TRMU: variants seen among roughly 807,000 people sequenced by gnomAD.
The protein encoded by TRMU is mitochondrial tRNA-specific 2-thiouridylase 1.
In TRMU, 49 loss-of-function variants were observed where a neutral mutation model predicts 46.9. The ratio of observed to expected loss-of-function variants is 1.05; its 90% CI spans 0.83 to 1.33. The LOEUF (loss-of-function observed/expected upper bound fraction) is 1.33, where lower values mean the gene tolerates loss of function less well. Among genes scored for constraint, TRMU ranks in the 40% most tolerant of loss-of-function variants. The pLI, the probability that TRMU is intolerant of heterozygous loss-of-function variation, is 0.00. For synonymous variants in TRMU, 241 were observed against 200.9 expected, an observed-to-expected ratio of 1.20 and a Z score of -1.69; for missense variants, 572 against 532.4, an observed-to-expected ratio of 1.07 and a Z score of -0.73.
At chr22:46,352,507 G>A in intron 7 of TRMU, 177 bp downstream of exon 7, 1 of 698,788 alleles carries the variant, frequency 1.4e-6, no homozygotes, top group Non-Finnish European at 2.5e-6. Context: ...CCTTGATGGT[G>A]GCTGGGTGCA....
chr22:46,336,629 T>C lies in TRMU; in HGVS notation c.82+783T>C, dbSNP rs1159479253. ...GGGTGACTGGAGGGATTAGATGACA[T>C]AGTACATACTGATGAGTACGTGCTC... On this transcript the variant is annotated intron_variant, in intron 1 of 10. Transcript: ENST00000645190. This position sits in a 1 kb window ranked among gnomAD's most constrained non-coding sequence, Gnocchi z 4.1. 6.6e-6 allele frequency: 1 copy of C among 152,286 alleles called. No homozygotes were observed. Among genetic ancestry groups the C allele is most frequent in the Non-Finnish European group, 1.5e-5 (1 of 68,100 alleles). The allele number at this position is 152,286 out of a possible 1,614,324, so 9.4% of individuals were successfully genotyped here. A position where few individuals can be genotyped will look rare whatever the true frequency, so the allele number is the denominator to read the frequency against.
chr22:46,355,669 C>T, intron 9 of TRMU, 81 bp downstream of exon 9: 1 of 1,606,660 alleles, frequency 6.2e-7, no homozygotes, highest in South Asian at 1.1e-5. Flanking sequence ...GGATGGGAGA[C>T]CCTGGGGTAG....
Position 46,336,209 on chromosome 22 carries a change from C to T in TRMU, c.82+363C>T, listed in dbSNP as rs958857805. 14 of 1,079,700 alleles carry T rather than the reference C, an allele frequency of 1.3e-5. No individual in the cohort carries two copies. The African/African-American group carries it at 1.7e-4, about 13-fold the overall frequency. 66.9% of individuals were successfully genotyped at this position (1,079,700 alleles called of 1,614,324 possible). On this transcript the variant is annotated intron_variant, in intron 1 of 10. Coordinates refer to ENST00000645190, the MANE Select transcript of TRMU (RefSeq NM_018006.5). This position sits in a 1 kb window ranked among gnomAD's most constrained non-coding sequence, Gnocchi z 4.1. The stretch of plus-strand genomic sequence containing the variant: ...AGACCGTGGACACTGGTGAGGGGAG[C>T]TGGGATCGCCGGGCCGGGGGCCTGA...
rs1326463560 is a variant in TRMU at position 46,338,469 on chromosome 22, A to G, written c.248+525A>G. On this transcript the variant is annotated intron_variant, in intron 2 of 10. Transcript: ENST00000645190. This position sits in a 1 kb window ranked among gnomAD's most constrained non-coding sequence, Gnocchi z 4.5. ...TGTCTTCACTGTGACCTGGCTCTGT[A>G]GGAGTTTGCGGTCTAGTTGGGAGGA... Among the ~76,000 whole-genome samples, 1 of 152,278 alleles carries G rather than the reference A, an allele frequency of 6.6e-6. No homozygotes were observed. Among genetic ancestry groups the G allele is most frequent in the Non-Finnish European group, 1.5e-5 (1 of 68,052 alleles).
rs753619484 is a variant in TRMU at position 46,343,219 on chromosome 22, A to C, written c.249-43A>C. 8 of 1,292,532 alleles carry C rather than the reference A, an allele frequency of 6.2e-6. No homozygotes were observed. In the African/African-American group the frequency reaches 1.2e-4, roughly 19 times the overall value. 80.1% of individuals were successfully genotyped at this position (1,292,532 alleles called of 1,614,324 possible). The stretch of plus-strand genomic sequence containing the variant: ...GTGAACTTTTTTTTTTTTTTTGAGG[A>C]ATGTTTCACACTTGGAACTGAAGTC... On this transcript the variant is annotated intron_variant, in intron 2 of 10. Transcript: ENST00000645190.
Position 46,351,349 on chromosome 22 carries a change from G to A in TRMU, c.652-772G>A, listed in dbSNP as rs1027196881. On this transcript the variant is annotated intron_variant, in intron 5 of 10. Coordinates refer to ENST00000645190, the MANE Select transcript of TRMU (RefSeq NM_018006.5). This position sits in a 1 kb window ranked among gnomAD's most constrained non-coding sequence, Gnocchi z 6.4. ...AAAAGAGAGAACCCGGAGTGTTGGC[G>A]GAACTAGGATGAAGCCCGTGGGAGG... Among the ~76,000 whole-genome samples the A allele has an allele frequency of 2.0e-5, 3 of 152,178 alleles. No homozygotes were observed. Among genetic ancestry groups the A allele is most frequent in the Admixed American group, 6.5e-5 (1 of 15,288 alleles).
rs2078442047 is a variant in TRMU at position 46,352,004 on chromosome 22, CTGGAAGCAAAGTGTGG to C, written c.652-116_652-101del. The stretch of plus-strand genomic sequence containing the variant: ...GCCGGTGGGCAGCCGGGCCCCTACC[CTGGAAGCAAAGTGTGG>C]GGTGAGGCCGGGAGGCCCCAGGGCC... On this transcript the variant is annotated intron_variant, in intron 5 of 10. Transcript: ENST00000645190. 5 of 1,210,674 alleles carry C rather than the reference CTGGAAGCAAAGTGTGG, an allele frequency of 4.1e-6. No homozygotes were observed. In the Admixed American group the frequency reaches 8.4e-5, roughly 20 times the overall value. The allele number at this position is 1,210,674 out of a possible 1,614,324, so 75.0% of individuals were successfully genotyped here.
At chr22:46,341,306 C>T (rs982279549) in intron 2 of TRMU, among the ~76,000 whole-genome samples, 2 of 152,222 alleles carry the variant, frequency 1.3e-5, no homozygotes, top group Non-Finnish European at 2.9e-5. Context: ...GGGTCTAGGA[C>T]ACAGACACAG....
Position 46,348,026 on chromosome 22 carries a change from A to C in TRMU, c.478+1482A>C, listed in dbSNP as rs559240968. 1.3e-5 allele frequency among the ~76,000 whole-genome samples: 2 copies of C among 151,884 alleles called. No individual in the cohort carries two copies. Among genetic ancestry groups the C allele is most frequent in the South Asian group, 4.1e-4 (2 of 4,820 alleles). ...ACTTGAGCCCAGAGAAGAGCAGCCC[A>C]CTCCCGTAAGACAGCCCCCCATTTC... On this transcript the variant is annotated intron_variant, in intron 4 of 10. Transcript: ENST00000645190. The surrounding 1 kb of genome is among the most constrained non-coding windows in gnomAD (Gnocchi z 4.8).
At position 46,337,760 on chromosome 22, in the gene TRMU, T is replaced by C. The variant is rs7290233; in HGVS notation, c.83-19T>C. On this transcript the variant is annotated intron_variant, in intron 1 of 10. Transcript: ENST00000645190. The stretch of plus-strand genomic sequence containing the variant: ...AGGTTGATTTATGTATTCTCTTTAA[T>C]TGACCTTCCCGCCCGCAGGTTACCA... 9.1e-3 allele frequency: 14,759 copies of C among 1,614,082 alleles called. 1,108 individuals carry two copies. In the African/African-American group the frequency reaches 0.17, roughly 18 times the overall value.
Position 46,339,944 on chromosome 22 carries a change from A to C in TRMU, c.248+2000A>C, listed in dbSNP as rs2078077791. 6.6e-6 allele frequency among the ~76,000 whole-genome samples: 1 copy of C among 152,158 alleles called. No individual in the cohort carries two copies. Among genetic ancestry groups the C allele is most frequent in the African/African-American group, 2.4e-5 (1 of 41,416 alleles). On this transcript the variant is annotated intron_variant, in intron 2 of 10. Coordinates refer to ENST00000645190, the MANE Select transcript of TRMU (RefSeq NM_018006.5). The surrounding 1 kb of genome is among the most constrained non-coding windows in gnomAD (Gnocchi z 4.8). Reference sequence around the variant, plus strand: ...AGTTTTCTCGGGGACATAAGAAAAAAAAAAGAGTGTGGCGGCCAAATACAG... The same window carrying C: ...AGTTTTCTCGGGGACATAAGAAAAACAAAAGAGTGTGGCGGCCAAATACAG...
rs2147117634 is a variant in TRMU, at chr22:46,356,082, G to A, written c.1101+10G>A. 6.2e-7 allele frequency: 1 copy of A among 1,613,834 alleles called. No homozygotes were observed. Among genetic ancestry groups the A allele is most frequent in the Non-Finnish European group, 8.5e-7 (1 of 1,179,936 alleles). On this transcript the variant is annotated intron_variant, in intron 10 of 10. Transcript: ENST00000645190. ...CCTTGCCACAGGACAGGTGCGTGGG[G>A]TGTGGGGGTGAGCCCGGGGAGGACT... is the stretch of plus-strand genomic sequence containing the variant.
intron 3 of TRMU, among the ~76,000 whole-genome samples, chr22:46,345,635 C>T (rs1049354840): frequency 6.6e-6 from 1 of 152,204 alleles, no homozygotes; most frequent in Non-Finnish European, 1.5e-5. Flanking sequence ...CATGGTGTTA[C>T]ATCCTCGCCC....
chr22:46,352,509 C>G (rs2078462904), intron 7 of TRMU, 179 bp downstream of exon 7: 2 of 690,464 alleles, frequency 2.9e-6, no homozygotes, highest in South Asian at 3.2e-5. Flanking sequence ...TTGATGGTGG[C>G]TGGGTGCACT....
In TRMU at chr22:46,349,746, A is replaced by C. The variant is rs1229194615; in HGVS notation, c.479-545A>C. Reference sequence around the variant, plus strand: ...TAACAGATGTCAGCTGAGACTCTCAACAAAAAAACGTTTTTACCAAGAAAG... The same window carrying C: ...TAACAGATGTCAGCTGAGACTCTCACCAAAAAAACGTTTTTACCAAGAAAG... On this transcript the variant is annotated intron_variant, in intron 4 of 10. Transcript: ENST00000645190. The surrounding 1 kb of genome is among the most constrained non-coding windows in gnomAD (Gnocchi z 4.6). Among the ~76,000 whole-genome samples the C allele has an allele frequency of 1.3e-5, 2 of 152,210 alleles. No individual in the cohort carries two copies. Among genetic ancestry groups the C allele is most frequent in the Admixed American group, 6.5e-5 (1 of 15,280 alleles).
At position 46,350,284 on chromosome 22, in the gene TRMU, T is replaced by G; in HGVS notation, c.479-7T>G. ...CTGCATCGTCTTTTGTTCTTTATTC[T>G]TGGCAGCGGTAAAACTCCTCCAGGC... On this transcript the variant is annotated splice_polypyrimidine_tract_variant and splice_region_variant and intron_variant, in intron 4 of 10. Coordinates refer to ENST00000645190, the MANE Select transcript of TRMU (RefSeq NM_018006.5). This position sits in a 1 kb window ranked among gnomAD's most constrained non-coding sequence, Gnocchi z 4.6. 6.2e-7 allele frequency: 1 copy of G among 1,614,246 alleles called. No individual in the cohort carries two copies. The highest frequency in any genetic ancestry group is 2.2e-5 in the East Asian group (1 of 44,886).
chr22:46,336,344 C>T lies in TRMU; in HGVS notation c.82+498C>T, dbSNP rs2077977403. ...CTTGTTCAGCGTCTCCTGTGTTCTC[C>T]GCTCGCTGGAGGACAAAGTTTTCTC... On this transcript the variant is annotated intron_variant, in intron 1 of 10. Coordinates refer to ENST00000645190, the MANE Select transcript of TRMU (RefSeq NM_018006.5). The surrounding 1 kb of genome is among the most constrained non-coding windows in gnomAD (Gnocchi z 4.1). The T allele has an allele frequency of 6.1e-6, 1 of 163,538 alleles. No individual in the cohort carries two copies. Among genetic ancestry groups the T allele is most frequent in the South Asian group, 1.8e-4 (1 of 5,454 alleles). The allele number at this position is 163,538 out of a possible 1,614,324, so 10.1% of individuals were successfully genotyped here.
intron 5 of TRMU, 108 bp from the exon 6 acceptor site, chr22:46,352,013 A>G (rs2078442270): frequency 7.8e-7 from 1 of 1,281,146 alleles, no homozygotes. Flanking sequence ...CCTGGAAGCA[A>G]AGTGTGGGGT....
rs2078062910 is a variant in TRMU at position 46,339,399 on chromosome 22, C to G, written c.248+1455C>G. On this transcript the variant is annotated intron_variant, in intron 2 of 10. Coordinates refer to ENST00000645190, the MANE Select transcript of TRMU (RefSeq NM_018006.5). The surrounding 1 kb of genome is among the most constrained non-coding windows in gnomAD (Gnocchi z 4.8). The stretch of plus-strand genomic sequence containing the variant: ...TCCTGACCTCAGAAGATCCACTCGT[C>G]TCAGCCTCCCAAAGTGCTGGGATTA... Among the ~76,000 whole-genome samples the G allele has an allele frequency of 6.6e-6, 1 of 152,254 alleles. No individual in the cohort carries two copies. Among genetic ancestry groups the G allele is most frequent in the Non-Finnish European group, 1.5e-5 (1 of 68,052 alleles).
Sources: allele counts gnomAD v4.1 joint callset (sites outside exome capture counted in the v4.1 genomes callset), GRCh38; gene constraint gnomAD v4.1.1; non-coding constraint Gnocchi (gnomAD v3.1); transcripts MANE v1.5; gene names NCBI Gene and HGNC (gene_info 2026-07-23, HGNC 2026-07-21).